The following GPR176 variants were observed in gnomAD, a reference collection of about 807,000 sequenced individuals.
GPR176 encodes the protein G-protein coupled receptor 176.
GPR176 carries 26 observed loss-of-function variants against 35.4 expected under a neutral mutation model. That is an observed-to-expected ratio of 0.74 (90% CI 0.54 to 1.02). GPR176 has a LOEUF of 1.02. Ranked by LOEUF, GPR176 falls within the 50% of genes least tolerant of loss-of-function variation. The pLI is 0.00. For missense variants in GPR176, 597 were observed against 665.3 expected (o/e 0.90, Z 1.13); for synonymous variants, 278 against 271.3 (o/e 1.02, Z -0.24).
chr15:39,893,343 A>C (rs915890518), intron 1 of GPR176, among the ~76,000 whole-genome samples: 15 of 152,062 alleles, frequency 9.9e-5, no homozygotes, highest in Non-Finnish European at 1.6e-4. Flanking sequence ...TGTTTAACAA[A>C]GCACATCTTG....
At chr15:39,811,911 G>A (rs568928380) in intron 1 of GPR176, among the ~76,000 whole-genome samples, 49 of 145,302 alleles carry the variant, frequency 3.4e-4, no homozygotes, top group Middle Eastern at 3.7e-3. Context: ...GCGAGACTCC[G>A]TCTCAAAAAA....
intron 1 of GPR176, among the ~76,000 whole-genome samples, chr15:39,919,451 C>G (rs2033815640): frequency 6.6e-6 from 1 of 152,120 alleles, no homozygotes; most frequent in Admixed American, 6.6e-5. Flanking sequence ...AAGATGGGAT[C>G]GCAAAACATC....
chr15:39,836,158 G>A (rs1242449481), intron 1 of GPR176, among the ~76,000 whole-genome samples: 3 of 151,878 alleles, frequency 2.0e-5, no homozygotes, highest in Non-Finnish European at 4.4e-5. Context: ...GGAAAGAGTG[G>A]AAAGGATACT....
At chr15:39,871,416 T>C (rs1352629730) in intron 1 of GPR176, among the ~76,000 whole-genome samples, 1 of 152,218 alleles carries the variant, frequency 6.6e-6, no homozygotes, top group African/African-American at 2.4e-5. Flanking sequence ...TTTGTTAATA[T>C]CCTTCCATCT....
intron 1 of GPR176, among the ~76,000 whole-genome samples, chr15:39,905,447 C>CAAAAAAAA (rs35302123): frequency 1.1e-5 from 1 of 91,116 alleles, no homozygotes; most frequent in Non-Finnish European, 2.4e-5. Context: ...CTCGTCTCTA[C>CAAAAAAAA]AAAAAAAAAA....
chr15:39,884,510 A>T (rs1304242474), intron 1 of GPR176, among the ~76,000 whole-genome samples: 2 of 152,182 alleles, frequency 1.3e-5, no homozygotes, highest in Non-Finnish European at 2.9e-5. Flanking sequence ...TTTCTCATGT[A>T]ACCCACATTC....
intron 1 of GPR176, among the ~76,000 whole-genome samples, chr15:39,820,044 A>G (rs1695923216): frequency 6.6e-6 from 1 of 152,228 alleles, no homozygotes; most frequent in Non-Finnish European, 1.5e-5. Context: ...ATGGCATTCC[A>G]ATTCTTCTAA....
rs1898768651 is a variant in GPR176, at chr15:39,800,235, G to A, written c.*897C>T. The A allele has an allele frequency of 6.6e-6, 1 of 151,988 alleles. No homozygotes were observed. Among genetic ancestry groups the A allele is most frequent in the African/African-American group, 2.4e-5 (1 of 41,362 alleles). 9.4% of individuals were successfully genotyped at this position (151,988 alleles called of 1,614,324 possible). ...TTTTCAATATATTTGACTCATACTG[G>A]TTGTTACATAGCACCTTTCATGTGA... On this transcript the variant is annotated 3_prime_UTR_variant, in exon 3 of 3. Transcript: ENST00000561100.
chr15:39,897,592 T>A (rs926708135), intron 1 of GPR176, among the ~76,000 whole-genome samples: 2 of 134,016 alleles, frequency 1.5e-5, no homozygotes, highest in Non-Finnish European at 3.2e-5. Flanking sequence ...ATGAGAAACA[T>A]CCAAATATTT....
chr15:39,920,125 G>GAGTCCTGGAGA lies in GPR176; in HGVS notation c.-110_-100dup. The stretch of plus-strand genomic sequence containing the variant: ...AGGAGGGACGCGCGGGCGCCTGGCG[G>GAGTCCTGGAGA]AGTCCTGGAGAAGCCGGAGCAGCCG... On this transcript the variant is annotated 5_prime_UTR_variant, in exon 1 of 3. Transcript: ENST00000561100. 1.2e-6 allele frequency: 1 copy of GAGTCCTGGAGA among 810,266 alleles called. No homozygotes were observed. The highest frequency in any genetic ancestry group is 1.7e-6 in the Non-Finnish European group (1 of 593,704). The allele number at this position is 810,266 out of a possible 1,614,324, so 50.2% of individuals were successfully genotyped here. A position where few individuals can be genotyped will look rare whatever the true frequency, so the allele number is the denominator to read the frequency against.
chr15:39,884,899 G>A (rs957801303), intron 1 of GPR176, among the ~76,000 whole-genome samples: 10 of 152,110 alleles, frequency 6.6e-5, no homozygotes, highest in Admixed American at 2.0e-4. Flanking sequence ...AAACAAAACC[G>A]GGGTCCTTTA....
rs180953015 is a variant in GPR176 at position 39,913,362 on chromosome 15, T to C, written c.172+6493A>G. Among the ~76,000 whole-genome samples, 20 of 152,102 alleles carry C rather than the reference T, an allele frequency of 1.3e-4. No individual in the cohort carries two copies. In the East Asian group the frequency reaches 3.9e-3, roughly 29 times the overall value. ...GAGTTTGAGACCAGCCTGGGCAATGTGGCAAAACTCCATCTCTACAAAAAG... is the reference window on the plus strand; with the variant it reads ...GAGTTTGAGACCAGCCTGGGCAATGCGGCAAAACTCCATCTCTACAAAAAG... On this transcript the variant is annotated intron_variant, in intron 1 of 2. Coordinates refer to ENST00000561100, the MANE Select transcript of GPR176 (RefSeq NM_007223.3).
At chr15:39,918,743 G>A (rs963326369) in intron 1 of GPR176, among the ~76,000 whole-genome samples, 1 of 152,076 alleles carries the variant, frequency 6.6e-6, no homozygotes, top group Non-Finnish European at 1.5e-5. Context: ...CAAAAAAATC[G>A]AAGAGAAATA....
chr15:39,874,782 G>A (rs1394135215), intron 1 of GPR176, among the ~76,000 whole-genome samples: 3 of 152,278 alleles, frequency 2.0e-5, no homozygotes, highest in Middle Eastern at 3.4e-3. Flanking sequence ...GGTGGCTCAT[G>A]TGTGTAATCC....
At chr15:39,912,015 G>A (rs381732) in intron 1 of GPR176, among the ~76,000 whole-genome samples, 61,763 of 151,958 alleles carry the variant, frequency 0.41, 13,021 homozygotes, top group African/African-American at 0.51. Context: ...ATGAAGGAAT[G>A]GAATACAGAT....
At chr15:39,888,517 C>T (rs11070238) in intron 1 of GPR176, among the ~76,000 whole-genome samples, 13,382 of 152,230 alleles carry the variant, frequency 0.088, 980 homozygotes, top group Admixed American at 0.21. Flanking sequence ...TAACCTCAAA[C>T]TCCTGGCCTC....
intron 1 of GPR176, among the ~76,000 whole-genome samples, chr15:39,901,449 G>A (rs1323867669): frequency 6.6e-6 from 1 of 152,060 alleles, no homozygotes; most frequent in Non-Finnish European, 1.5e-5. Context: ...AGCAACACTA[G>A]TTATTAAAAG....
chr15:39,824,738 C>G (rs1900508215), intron 1 of GPR176, among the ~76,000 whole-genome samples: 2 of 152,186 alleles, frequency 1.3e-5, no homozygotes, highest in African/African-American at 4.8e-5. Flanking sequence ...TCCATGCTTA[C>G]TAGTTATGTA....
intron 1 of GPR176, among the ~76,000 whole-genome samples, chr15:39,918,626 T>C (rs927038824): frequency 1.3e-5 from 2 of 152,152 alleles, no homozygotes; most frequent in African/African-American, 4.8e-5. Context: ...GCTTTGCTAA[T>C]GTGCATTTAA....
Sources: allele counts gnomAD v4.1 joint callset (sites outside exome capture counted in the v4.1 genomes callset), GRCh38; gene constraint gnomAD v4.1.1; transcripts MANE v1.5; gene names NCBI Gene and HGNC (gene_info 2026-07-23, HGNC 2026-07-21).